Variants in NBEA observed in about 807,000 individuals in gnomAD.
The protein encoded by NBEA is lysosomal-trafficking regulator 2.
Under a neutral mutation model 343.4 loss-of-function variants are expected in NBEA, and 44 were observed. The observed-to-expected ratio is 0.13, with a 90% CI of 0.10 to 0.16. NBEA has a LOEUF of 0.16. Ranked by LOEUF, NBEA falls within the 10% of genes least tolerant of loss-of-function variation. The pLI, the probability that NBEA is intolerant of heterozygous loss-of-function variation, is 1.00. For missense variants in NBEA, 2,555 were observed against 3,631.3 expected (o/e 0.70, Z 7.62); for synonymous variants, 1,175 against 1,238.7 (o/e 0.95, Z 1.08).
chr13:35,379,188 A>G (rs1594413249), intron 38 of NBEA, among the ~76,000 whole-genome samples: 1 of 152,236 alleles, frequency 6.6e-6, no homozygotes, highest in Non-Finnish European at 1.5e-5. Flanking sequence ...ACAGTTTTCC[A>G]AAGTATTCAG....
intron 40 of NBEA, among the ~76,000 whole-genome samples, chr13:35,458,677 CT>C (rs1179612452): frequency 6.6e-6 from 1 of 152,104 alleles, no homozygotes; most frequent in Non-Finnish European, 1.5e-5. Context: ...TTCAATTCAG[CT>C]CATCACTTGA....
chr13:35,614,717 T>C (rs1240058115), intron 48 of NBEA, among the ~76,000 whole-genome samples: 1 of 152,176 alleles, frequency 6.6e-6, no homozygotes, highest in African/African-American at 2.4e-5. Flanking sequence ...AGGTTAACAC[T>C]TCTTCTTACA....
intron 1 of NBEA, among the ~76,000 whole-genome samples, chr13:35,036,811 G>C (rs1377792194): frequency 1.3e-5 from 2 of 152,008 alleles, no homozygotes; most frequent in Admixed American, 1.3e-4. Flanking sequence ...CTTTTCTCTT[G>C]CAGCTTTTAG....
chr13:35,445,804 A>ATATG (rs1385644048), intron 39 of NBEA, among the ~76,000 whole-genome samples: 2 of 138,032 alleles, frequency 1.4e-5, no homozygotes, highest in African/African-American at 5.3e-5. Context: ...ATATATATAT[A>ATATG]TATATATATA....
chr13:35,273,782 T>C (rs2152806207), intron 34 of NBEA, among the ~76,000 whole-genome samples: 1 of 152,278 alleles, frequency 6.6e-6, no homozygotes, highest in East Asian at 1.9e-4. Context: ...GATAAATTCC[T>C]GGACACATAC....
intron 33 of NBEA, among the ~76,000 whole-genome samples, chr13:35,215,112 T>C (rs1368292609): frequency 6.6e-6 from 1 of 151,620 alleles, no homozygotes; most frequent in African/African-American, 2.4e-5. Flanking sequence ...TTTTTTTTAC[T>C]TTTCTGGGTT....
At chr13:35,403,171 T>C (rs1173784904) in intron 38 of NBEA, among the ~76,000 whole-genome samples, 3 of 151,782 alleles carry the variant, frequency 2.0e-5, no homozygotes, top group Non-Finnish European at 4.4e-5. Context: ...CATTAACAAA[T>C]AATAAATAAA....
chr13:35,621,687 T>A (rs2153061056), intron 48 of NBEA, among the ~76,000 whole-genome samples: 1 of 152,188 alleles, frequency 6.6e-6, no homozygotes, highest in Admixed American at 6.5e-5. Context: ...ATGAGCTTCT[T>A]CCCCAGCCCC....
At chr13:35,457,924 T>C (rs2046674656) in intron 40 of NBEA, among the ~76,000 whole-genome samples, 1 of 152,260 alleles carries the variant, frequency 6.6e-6, no homozygotes. Context: ...GTCCTTTTTA[T>C]GGCAGTTATT....
Position 35,141,500 on chromosome 13 carries a change from C to T in NBEA, c.2337-769C>T, listed in dbSNP as rs149459985. ...CAGGCTTGTCTCGAACTTCTGACCT[C>T]GTGATCCACCCACCTCAGCCTCTGA... On this transcript the variant is annotated intron_variant, in intron 17 of 58. Transcript: ENST00000379939. Among the ~76,000 whole-genome samples, 310 of 152,208 alleles carry T rather than the reference C, an allele frequency of 2.0e-3. 2 individuals are homozygous for T. Among genetic ancestry groups the T allele is most frequent in the Admixed American group, 0.015 (232 of 15,292 alleles).
intron 30 of NBEA, among the ~76,000 whole-genome samples, chr13:35,189,896 A>T (rs926179440): frequency 6.6e-6 from 1 of 152,152 alleles, no homozygotes; most frequent in African/African-American, 2.4e-5. Flanking sequence ...CTAGACCTTT[A>T]TAAGAACAGC....
At position 35,352,296 on chromosome 13, in the gene NBEA, A is replaced by G; in HGVS notation, c.6152A>G (p.His2051Arg). The part of the protein sequence containing the change: ...QKILNILTNK[H>R]GAWGAVSHSQ... Reference sequence around the variant, plus strand: ...ATTCTCAATATTCTCACAAATAAACATGGTGCTTGGGGAGCAGTTTCTCAT... The same window carrying G: ...ATTCTCAATATTCTCACAAATAAACGTGGTGCTTGGGGAGCAGTTTCTCAT... The change falls in exon 38 of 59, where the codon CAT (histidine) becomes CGT (arginine). Residue 2051 changes from histidine to arginine, a missense_variant. Transcript: ENST00000379939. 3 of 1,531,382 alleles carry G rather than the reference A, an allele frequency of 2.0e-6. No individual in the cohort carries two copies. Among genetic ancestry groups the G allele is most frequent in the Non-Finnish European group, 2.6e-6 (3 of 1,133,452 alleles). 94.9% of individuals were successfully genotyped at this position (1,531,382 alleles called of 1,614,324 possible). A position where few individuals can be genotyped will look rare whatever the true frequency, so the allele number is the denominator to read the frequency against.
At chr13:35,612,614 A>C (rs996549564) in intron 48 of NBEA, among the ~76,000 whole-genome samples, 5 of 152,342 alleles carry the variant, frequency 3.3e-5, no homozygotes, top group Non-Finnish European at 7.4e-5. Flanking sequence ...TAATTTTATT[A>C]CTGATGTGCC....
At chr13:35,567,178 A>C (rs1221594929) in intron 45 of NBEA, among the ~76,000 whole-genome samples, 161 bp downstream of exon 45, 1 of 152,222 alleles carries the variant, frequency 6.6e-6, no homozygotes, top group Non-Finnish European at 1.5e-5. Context: ...TTAGCACAGG[A>C]ATTAAGCTAC....
chr13:35,284,477 T>C (rs2035286277), intron 34 of NBEA, among the ~76,000 whole-genome samples: 1 of 152,176 alleles, frequency 6.6e-6, no homozygotes, highest in Non-Finnish European at 1.5e-5. Flanking sequence ...TTTAAGTTAA[T>C]ATTAGAGTTG....
intron 38 of NBEA, among the ~76,000 whole-genome samples, chr13:35,426,159 T>A (rs151106020): frequency 0.022 from 3,287 of 152,300 alleles, 62 homozygotes; most frequent in Non-Finnish European, 0.035. Flanking sequence ...TCAAAGTTAA[T>A]ATCGTTATGT....
At chr13:35,590,180 G>T (rs566625857) in intron 46 of NBEA, among the ~76,000 whole-genome samples, 2 of 152,102 alleles carry the variant, frequency 1.3e-5, no homozygotes, top group East Asian at 3.9e-4. Context: ...AAAAAGAAAG[G>T]CTCTGCATTG....
At chr13:35,469,664 T>A (rs919522308) in intron 40 of NBEA, among the ~76,000 whole-genome samples, 1 of 152,232 alleles carries the variant, frequency 6.6e-6, no homozygotes, top group Non-Finnish European at 1.5e-5. Flanking sequence ...CTTTTATTGC[T>A]ATAGTAGTGA....
intron 38 of NBEA, among the ~76,000 whole-genome samples, chr13:35,395,705 G>C (rs1455531584): frequency 6.6e-6 from 1 of 152,048 alleles, no homozygotes; most frequent in Admixed American, 6.6e-5. Context: ...TAATATGTTT[G>C]TCTACTCATT....
Sources: gnomAD v4.1 joint callset for allele counts (sites outside exome capture counted in the v4.1 genomes callset) on GRCh38, gnomAD v4.1.1 for gene constraint, MANE v1.5 for transcripts, NCBI Gene and HGNC (gene_info 2026-07-23, HGNC 2026-07-21) for gene names.